CADM2: variants seen among roughly 807,000 people sequenced by gnomAD.
CADM2 encodes cell adhesion molecule 2, also known as immunoglobulin superfamily member 4D.
Under a neutral mutation model 49.8 loss-of-function variants are expected in CADM2, and 12 were observed. The ratio of observed to expected loss-of-function variants is 0.24; its 90% CI spans 0.15 to 0.39. CADM2 has a LOEUF of 0.39. Ranked by LOEUF, CADM2 falls within the 10% of genes least tolerant of loss-of-function variation. The pLI, the probability that CADM2 is intolerant of heterozygous loss-of-function variation, is 1.00. For synonymous variants in CADM2, 214 were observed against 175.4 expected, an observed-to-expected ratio of 1.22 and a Z score of -1.74; for missense variants, 378 against 492.3, an observed-to-expected ratio of 0.77 and a Z score of 2.20.
chr3:85,550,806 C>T (rs748740811), intron 1 of CADM2, among the ~76,000 whole-genome samples: 21 of 152,214 alleles, frequency 1.4e-4, no homozygotes, highest in Admixed American at 3.9e-4. Context: ...TTGAACTAGG[C>T]TCTCCTTTGC....
chr3:85,337,044 A>AAATAT (rs1559786701), intron 1 of CADM2, among the ~76,000 whole-genome samples: 3 of 135,480 alleles, frequency 2.2e-5, no homozygotes, highest in African/African-American at 8.1e-5. Context: ...TATATATATA[A>AAATAT]ATATATATAT....
At chr3:85,407,757 A>T (rs967146038) in intron 1 of CADM2, among the ~76,000 whole-genome samples, 13 of 152,198 alleles carry the variant, frequency 8.5e-5, no homozygotes, top group Admixed American at 8.5e-4. Context: ...CTGACTTAGG[A>T]AGATTGCTTG....
At chr3:85,394,972 T>G (rs968087109) in intron 1 of CADM2, among the ~76,000 whole-genome samples, 3 of 152,140 alleles carry the variant, frequency 2.0e-5, no homozygotes, top group Non-Finnish European at 2.9e-5. Context: ...TCCTAAAATA[T>G]CGTAACATTT....
At chr3:85,904,665 T>C (rs928663771) in intron 5 of CADM2, among the ~76,000 whole-genome samples, 7 of 152,228 alleles carry the variant, frequency 4.6e-5, no homozygotes, top group Non-Finnish European at 1.0e-4. Context: ...GTTATGGTTG[T>C]TTAGCTGGAG....
intron 1 of CADM2, among the ~76,000 whole-genome samples, chr3:85,144,336 C>A (rs540396440): frequency 6.6e-6 from 1 of 151,992 alleles, no homozygotes; most frequent in African/African-American, 2.4e-5. Flanking sequence ...TTGTGCTGGG[C>A]GCGATGGCTC....
chr3:85,311,700 G>A (rs2044349295), intron 1 of CADM2, among the ~76,000 whole-genome samples: 1 of 151,968 alleles, frequency 6.6e-6, no homozygotes. Context: ...TTAAAGTTGG[G>A]ACTTATCATC....
At chr3:85,061,851 T>C (rs1438034475) in intron 1 of CADM2, among the ~76,000 whole-genome samples, 6 of 152,138 alleles carry the variant, frequency 3.9e-5, no homozygotes, top group Non-Finnish European at 8.8e-5. Flanking sequence ...ATTTGCATAG[T>C]TCATACTTTC....
intron 3 of CADM2, among the ~76,000 whole-genome samples, chr3:85,869,875 A>G (rs1294676427): frequency 6.6e-6 from 1 of 151,954 alleles, no homozygotes; most frequent in Non-Finnish European, 1.5e-5. Flanking sequence ...GTTAGCCAGG[A>G]CGGTATTGAT....
intron 8 of CADM2, among the ~76,000 whole-genome samples, chr3:85,991,450 G>A (rs1243385993): frequency 1.3e-5 from 2 of 152,074 alleles, no homozygotes; most frequent in Admixed American, 1.3e-4. Context: ...AATTTAATGA[G>A]ATCAGTTATC....
intron 8 of CADM2, chr3:86,012,463 C>G: frequency 1.5e-6 from 1 of 661,782 alleles, no homozygotes; most frequent in South Asian, 2.8e-5. Context: ...CCCTGCAGAG[C>G]CGGCCGACCT....
intron 1 of CADM2, among the ~76,000 whole-genome samples, chr3:85,401,170 A>T (rs763973361): frequency 2.0e-5 from 3 of 152,092 alleles, no homozygotes; most frequent in Non-Finnish European, 2.9e-5. Flanking sequence ...TACCACACTC[A>T]TGGGGGGACC....
At chr3:85,455,243 T>C (rs564615339) in intron 1 of CADM2, among the ~76,000 whole-genome samples, 1 of 152,350 alleles carries the variant, frequency 6.6e-6, no homozygotes, top group African/African-American at 2.4e-5. Context: ...TAAAATTCTC[T>C]TTGAATTCAT....
intron 1 of CADM2, among the ~76,000 whole-genome samples, chr3:85,305,769 G>T (rs1377681267): frequency 6.6e-6 from 1 of 151,514 alleles, no homozygotes; most frequent in African/African-American, 2.4e-5. Context: ...TCACTCTGAA[G>T]TATTAACTCA....
At chr3:85,308,167 A>T (rs2044258450) in intron 1 of CADM2, among the ~76,000 whole-genome samples, 2 of 151,832 alleles carry the variant, frequency 1.3e-5, no homozygotes, top group South Asian at 4.1e-4. Flanking sequence ...TTGCCAGAAA[A>T]TTTGCATTAA....
chr3:85,747,421 T>C (rs1217119222), intron 2 of CADM2, among the ~76,000 whole-genome samples: 5 of 152,158 alleles, frequency 3.3e-5, no homozygotes, highest in African/African-American at 4.8e-5. Context: ...TGTATATTAA[T>C]ATAAATAAAT....
chr3:85,412,307 A>G, intron 1 of CADM2, among the ~76,000 whole-genome samples: 1 of 152,328 alleles, frequency 6.6e-6, no homozygotes, highest in East Asian at 1.9e-4. Context: ...ATATCTATAA[A>G]TAGTATTTCA....
intron 1 of CADM2, among the ~76,000 whole-genome samples, chr3:85,169,330 TC>T (rs2040557877): frequency 6.6e-6 from 1 of 152,206 alleles, no homozygotes; most frequent in African/African-American, 2.4e-5. Flanking sequence ...TAGTTTTGTT[TC>T]TTTCAAACTT....
intron 1 of CADM2, among the ~76,000 whole-genome samples, chr3:85,644,142 A>G (rs560100208): frequency 9.4e-4 from 143 of 152,294 alleles, no homozygotes; most frequent in Non-Finnish European, 1.7e-3. Flanking sequence ...TCAAGATCAA[A>G]GTTTTAGCAG....
chr3:85,994,227 C>T (rs188921682), intron 8 of CADM2: 2 of 152,202 alleles, frequency 1.3e-5, no homozygotes, highest in African/African-American at 2.4e-5. Context: ...TCACCTTGCA[C>T]TTCTATGTTC....
Sources: gnomAD v4.1 joint callset for allele counts (sites outside exome capture counted in the v4.1 genomes callset) on GRCh38, gnomAD v4.1.1 for gene constraint, MANE v1.5 for transcripts, NCBI Gene and HGNC (gene_info 2026-07-23, HGNC 2026-07-21) for gene names.